The following SEC63 variants were observed in gnomAD, a reference collection of about 807,000 sequenced individuals.
SEC63 encodes the protein translocation protein SEC63 homolog.
In SEC63, 56 loss-of-function variants were observed where a neutral mutation model predicts 116.2. The observed-to-expected ratio is 0.48, with a 90% CI of 0.39 to 0.60. The LOEUF (loss-of-function observed/expected upper bound fraction) is 0.60, where lower values mean the gene tolerates loss of function less well. Ranked by LOEUF, SEC63 falls within the 20% of genes least tolerant of loss-of-function variation. The pLI is 0.00. For synonymous variants in SEC63, 273 were observed against 294.6 expected (o/e 0.93, Z 0.75); for missense variants, 668 against 900.0 (o/e 0.74, Z 3.30).
intron 8 of SEC63, among the ~76,000 whole-genome samples, chr6:107,908,206 A>T (rs1270334555): frequency 6.6e-6 from 1 of 151,292 alleles, no homozygotes; most frequent in African/African-American, 2.4e-5. Context: ...CTTTTATTTT[A>T]TTTTTTTTTA....
intron 14 of SEC63, 23 bp downstream of exon 14, chr6:107,897,626 A>T (rs372658043): frequency 1.8e-4 from 270 of 1,459,904 alleles, no homozygotes; most frequent in Non-Finnish European, 2.5e-4. Context: ...CTTAAAGCAT[A>T]AAAATACAGA....
At chr6:107,946,328 G>A (rs1228262087) in intron 1 of SEC63, among the ~76,000 whole-genome samples, 4 of 151,428 alleles carry the variant, frequency 2.6e-5, no homozygotes, top group Admixed American at 2.6e-4. Context: ...CACCTCCCGG[G>A]TCCAAGCAAT....
chr6:107,881,980 C>T (rs1032649357), intron 17 of SEC63, among the ~76,000 whole-genome samples: 5 of 152,134 alleles, frequency 3.3e-5, no homozygotes, highest in Non-Finnish European at 7.4e-5. Context: ...GCTACTTACC[C>T]TAATATACTT....
intron 7 of SEC63, among the ~76,000 whole-genome samples, chr6:107,910,706 CAT>C (rs1012554215): frequency 9.2e-5 from 14 of 151,910 alleles, no homozygotes; most frequent in Admixed American, 1.3e-4. Flanking sequence ...TACATATATA[CAT>C]ACACACATAT....
intron 1 of SEC63, among the ~76,000 whole-genome samples, chr6:107,947,644 A>G (rs1770503987): frequency 6.6e-6 from 1 of 152,354 alleles, no homozygotes. Context: ...AATCACCAAA[A>G]GCTTTCAAGA....
chr6:107,940,718 A>C (rs781761260), intron 1 of SEC63, among the ~76,000 whole-genome samples: 4 of 151,946 alleles, frequency 2.6e-5, no homozygotes, highest in Non-Finnish European at 4.4e-5. Context: ...GGGAAAAGAA[A>C]GATAGGAAAA....
chr6:107,884,779 ATG>A (rs1199016320), intron 16 of SEC63, among the ~76,000 whole-genome samples: 1 of 152,312 alleles, frequency 6.6e-6, no homozygotes, highest in Non-Finnish European at 1.5e-5. Flanking sequence ...TTAAAAATAG[ATG>A]TGAGAATCCA....
At chr6:107,933,956 C>T (rs1382140105) in intron 1 of SEC63, among the ~76,000 whole-genome samples, 4 of 152,182 alleles carry the variant, frequency 2.6e-5, no homozygotes, top group South Asian at 4.1e-4. Context: ...CTCCTAACCG[C>T]GAGTGATCCG....
At chr6:107,886,725 C>A (rs1786537031) in intron 16 of SEC63, among the ~76,000 whole-genome samples, 1 of 151,608 alleles carries the variant, frequency 6.6e-6, no homozygotes, top group Non-Finnish European at 1.5e-5. Flanking sequence ...TCCTGTAAAT[C>A]TGTTTATGTT....
chr6:107,908,846 T>C, intron 8 of SEC63, 81 bp downstream of exon 8: 4 of 761,638 alleles, frequency 5.3e-6, no homozygotes, highest in South Asian at 1.5e-5. Flanking sequence ...CTCAACAGTA[T>C]AGAGTTAAGG....
chr6:107,908,114 C>T (rs1243192471), intron 8 of SEC63, among the ~76,000 whole-genome samples: 1 of 152,120 alleles, frequency 6.6e-6, no homozygotes, highest in Non-Finnish European at 1.5e-5. Flanking sequence ...TCTCTCATTA[C>T]TAAGAAAATT....
intron 1 of SEC63, 43 bp from the exon 2 acceptor site, chr6:107,929,557 A>G: frequency 8.3e-7 from 1 of 1,203,384 alleles, no homozygotes; most frequent in Non-Finnish European, 1.2e-6. Flanking sequence ...ACCATTTTTC[A>G]CAAGTGAAGG....
rs1454148150 is a variant in SEC63, at chr6:107,893,882, C to G, written c.1456G>C (p.Glu486Gln). Reference protein sequence around the residue: ...RQTMAEVFEKEQSICAAEEQP... With the variant: ...RQTMAEVFEKQQSICAAEEQP... The stretch of plus-strand genomic sequence containing the variant: ...TCCTCTGCAGCACAGATGGACTGCT[C>G]CTTTTCAAATACTTCCTGGGGGGCG... The change falls in exon 15 of 21, where the codon GAG becomes CAG. Residue 486 changes from glutamate to glutamine, a missense_variant. Glu to Gln is a conservative substitution (Grantham distance 29). Coordinates refer to ENST00000369002, the MANE Select transcript of SEC63 (RefSeq NM_007214.5). 6.2e-7 allele frequency: 1 copy of G among 1,614,052 alleles called. No homozygotes were observed. Among genetic ancestry groups the G allele is most frequent in the Non-Finnish European group, 8.5e-7 (1 of 1,179,986 alleles).
At chr6:107,912,176 T>G (rs1206625583) in intron 6 of SEC63, among the ~76,000 whole-genome samples, 1 of 152,238 alleles carries the variant, frequency 6.6e-6, no homozygotes, top group East Asian at 1.9e-4. Context: ...GAAGTAGGAA[T>G]GTATCCCTGA....
Position 107,871,507 on chromosome 6 carries a change from T to C in SEC63, c.*197A>G. ...AATGTACCATCCCCTACTTGAAAGG[T>C]TTCAATAAGCCTTAACATTTTTCAG... is the stretch of plus-strand genomic sequence containing the variant. On this transcript the variant is annotated 3_prime_UTR_variant, in exon 21 of 21. Transcript: ENST00000369002. 1 of 622,220 alleles carries C rather than the reference T, an allele frequency of 1.6e-6. No homozygotes were observed. 38.5% of individuals were successfully genotyped at this position (622,220 alleles called of 1,614,324 possible). A position where few individuals can be genotyped will look rare whatever the true frequency, so the allele number is the denominator to read the frequency against.
intron 1 of SEC63, among the ~76,000 whole-genome samples, chr6:107,952,452 C>T (rs1562343560): frequency 6.6e-6 from 1 of 151,892 alleles, no homozygotes; most frequent in Non-Finnish European, 1.5e-5. Context: ...CAAAAAAAAA[C>T]CTCAATAAAG....
At chr6:107,949,213 G>T (rs1337405854) in intron 1 of SEC63, among the ~76,000 whole-genome samples, 3 of 152,184 alleles carry the variant, frequency 2.0e-5, no homozygotes, top group Admixed American at 6.5e-5. Flanking sequence ...ACTGAAAGAG[G>T]TGGGAAAGGA....
At chr6:107,912,345 C>T (rs915465552) in intron 6 of SEC63, among the ~76,000 whole-genome samples, 7 of 152,150 alleles carry the variant, frequency 4.6e-5, no homozygotes, top group African/African-American at 1.7e-4. Context: ...GAGGCTGAGG[C>T]AGGCAGATAA....
chr6:107,918,773 G>A (rs1393788606), intron 4 of SEC63, among the ~76,000 whole-genome samples: 1 of 151,742 alleles, frequency 6.6e-6, no homozygotes, highest in Non-Finnish European at 1.5e-5. Flanking sequence ...TACCTCTGAT[G>A]GATCTGGGTA....
Sources: gnomAD v4.1 joint callset for allele counts (sites outside exome capture counted in the v4.1 genomes callset) on GRCh38, gnomAD v4.1.1 for gene constraint, MANE v1.5 for transcripts, NCBI Gene and HGNC (gene_info 2026-07-23, HGNC 2026-07-21) for gene names.